The following TLK2 variants were observed in gnomAD, a reference collection of about 807,000 sequenced individuals.
TLK2 encodes the protein tousled like kinase 2, also known as serine/threonine-protein kinase tousled-like 2.
Under a neutral mutation model 117.3 loss-of-function variants are expected in TLK2, and 6 were observed. That is an observed-to-expected ratio of 0.05 (90% confidence interval 0.03 to 0.10). TLK2 has a LOEUF of 0.10. TLK2 is among the 10% of genes least tolerant of loss of function. The pLI is 1.00. For synonymous variants in TLK2, 257 were observed against 316.7 expected (o/e 0.81, Z 2.00); for missense variants, 299 against 901.2 (o/e 0.33, Z 8.56).
At chr17:62,481,954 T>A (rs2071705004) in intron 2 of TLK2, among the ~76,000 whole-genome samples, 1 of 152,152 alleles carries the variant, frequency 6.6e-6, no homozygotes, top group African/African-American at 2.4e-5. Flanking sequence ...CTACTGAATT[T>A]TTTTTTTTGA....
chr17:62,523,793 C>A (rs985602162), intron 5 of TLK2, among the ~76,000 whole-genome samples: 7 of 152,122 alleles, frequency 4.6e-5, no homozygotes, highest in Non-Finnish European at 8.8e-5. Flanking sequence ...TTGTGTCTTA[C>A]AAAGATTGAG....
chr17:62,557,894 A>G (rs2078976546), intron 9 of TLK2, among the ~76,000 whole-genome samples: 1 of 151,884 alleles, frequency 6.6e-6, no homozygotes, highest in South Asian at 2.1e-4. Flanking sequence ...TGTCCCTTCT[A>G]CTCCGTCGTC....
intron 11 of TLK2, among the ~76,000 whole-genome samples, chr17:62,572,497 A>G (rs1160200113): frequency 6.6e-6 from 1 of 152,156 alleles, no homozygotes; most frequent in Middle Eastern, 3.2e-3. Flanking sequence ...ACATCTTATT[A>G]GGAAATACTC....
intron 2 of TLK2, among the ~76,000 whole-genome samples, chr17:62,486,219 C>T (rs1318227989): frequency 6.6e-6 from 1 of 151,816 alleles, no homozygotes; most frequent in South Asian, 2.1e-4. Context: ...TGCAGTGGCG[C>T]GATCTCGGCT....
At chr17:62,532,528 T>C (rs540756331) in intron 6 of TLK2, among the ~76,000 whole-genome samples, 16 of 152,308 alleles carry the variant, frequency 1.1e-4, no homozygotes, top group African/African-American at 3.6e-4. Context: ...TTTTTTGACA[T>C]GAAAACGTTA....
chr17:62,516,216 C>T lies in TLK2; in HGVS notation c.82-4557C>T, dbSNP rs953913269. The T allele has an allele frequency of 9.5e-5, 66 of 693,256 alleles. No homozygotes were observed. The Middle Eastern group carries it at 1.2e-3, about 13-fold the overall frequency. The allele number at this position is 693,256 out of a possible 1,614,324, so 42.9% of individuals were successfully genotyped here. On this transcript the variant is annotated intron_variant, in intron 2 of 21. Transcript: ENST00000346027. ...CTGGGATTACAGGCATGAGTCACCG[C>T]GCCCGGCTCTCCCTGTTTTCTTCTA...
intron 6 of TLK2, among the ~76,000 whole-genome samples, chr17:62,532,174 T>TG (rs1555621130): frequency 2.8e-4 from 43 of 152,218 alleles, no homozygotes; most frequent in Non-Finnish European, 5.3e-4. Flanking sequence ...TTAATGTTTT[T>TG]TTGTTGTTGT....
At chr17:62,534,110 G>T (rs986758564) in intron 6 of TLK2, among the ~76,000 whole-genome samples, 1 of 151,932 alleles carries the variant, frequency 6.6e-6, no homozygotes, top group African/African-American at 2.4e-5. Context: ...TTCACTATCC[G>T]GTCAAGTTTC....
intron 16 of TLK2, among the ~76,000 whole-genome samples, chr17:62,589,617 C>A (rs2081922024): frequency 6.6e-6 from 1 of 152,126 alleles, no homozygotes; most frequent in Non-Finnish European, 1.5e-5. Flanking sequence ...CATTTTGATT[C>A]TTAAATTTTT....
intron 16 of TLK2, among the ~76,000 whole-genome samples, chr17:62,591,971 C>T (rs7212455): frequency 0.63 from 95,560 of 150,540 alleles, 30,480 homozygotes; most frequent in East Asian, 0.83. Context: ...TTTTTTTTTC[C>T]GAGACAGAGT....
At chr17:62,517,674 G>A (rs1285951287) in intron 2 of TLK2, among the ~76,000 whole-genome samples, 23 of 151,732 alleles carry the variant, frequency 1.5e-4, no homozygotes, top group Admixed American at 1.4e-3. Context: ...GAGCCACCAC[G>A]CCGGCCGAAT....
intron 2 of TLK2, among the ~76,000 whole-genome samples, chr17:62,515,669 T>C (rs931957545): frequency 6.6e-6 from 1 of 152,174 alleles, no homozygotes; most frequent in African/African-American, 2.4e-5. Flanking sequence ...CATTTTTTCA[T>C]TGGGTTGTTT....
intron 10 of TLK2, among the ~76,000 whole-genome samples, chr17:62,563,688 T>A (rs1467592101): frequency 6.6e-6 from 1 of 152,184 alleles, no homozygotes; most frequent in Non-Finnish European, 1.5e-5. Flanking sequence ...CCAATTAATA[T>A]ATTTAGTGGT....
At position 62,482,375 on chromosome 17, in the gene TLK2, T is replaced by C. The variant is rs570296160; in HGVS notation, c.81+1169T>C. Among the ~76,000 whole-genome samples the C allele has an allele frequency of 6.6e-5, 10 of 151,838 alleles. No individual in the cohort carries two copies. In the South Asian group the frequency reaches 2.1e-3, roughly 32 times the overall value. The stretch of plus-strand genomic sequence containing the variant: ...GTAGCTTCTCCAAGGAGAAGGCGTG[T>C]TGAGGTTTAGTTGGAAAAATGGGCT... On this transcript the variant is annotated intron_variant, in intron 2 of 21. Coordinates refer to ENST00000346027, the MANE Select transcript of TLK2 (RefSeq NM_006852.6).
chr17:62,503,139 A>G lies in TLK2; in HGVS notation c.82-17634A>G, dbSNP rs542439404. 1.8e-3 allele frequency among the ~76,000 whole-genome samples: 259 copies of G among 146,656 alleles called. 1 individual carries two copies. Among genetic ancestry groups the G allele is most frequent in the African/African-American group, 6.2e-3 (243 of 39,204 alleles). ...CAGTGGCGCGATCTTGGCTCACGGC[A>G]AGCTCCGCCTCCCAGGTTCACGCCA... On this transcript the variant is annotated intron_variant, in intron 2 of 21. Transcript: ENST00000346027.
At chr17:62,560,153 C>G (rs753673760) in intron 10 of TLK2, 27 bp downstream of exon 10, 9 of 1,500,958 alleles carry the variant, frequency 6.0e-6, no homozygotes, top group Admixed American at 3.6e-5. Flanking sequence ...GGTCTAAACT[C>G]TGTATCCCAA....
chr17:62,511,084 A>G (rs1244871769), intron 2 of TLK2, among the ~76,000 whole-genome samples: 1 of 152,234 alleles, frequency 6.6e-6, no homozygotes, highest in Non-Finnish European at 1.5e-5. Flanking sequence ...TATTAAAACC[A>G]AAAAATTGAC....
intron 6 of TLK2, among the ~76,000 whole-genome samples, chr17:62,533,684 C>A (rs2076917212): frequency 6.6e-6 from 1 of 151,866 alleles, no homozygotes; most frequent in Non-Finnish European, 1.5e-5. Flanking sequence ...GCCACGTTGG[C>A]CAGGCTGGTC....
intron 2 of TLK2, among the ~76,000 whole-genome samples, chr17:62,502,223 C>G (rs996666545): frequency 1.3e-5 from 2 of 151,662 alleles, no homozygotes; most frequent in African/African-American, 4.8e-5. Context: ...TTGGATTATC[C>G]CAGTTGCAAA....
Sources: allele counts gnomAD v4.1 joint callset (sites outside exome capture counted in the v4.1 genomes callset), GRCh38; gene constraint gnomAD v4.1.1; transcripts MANE v1.5; gene names NCBI Gene and HGNC (gene_info 2026-07-23, HGNC 2026-07-21).